SLC6A19: variants seen among roughly 807,000 people sequenced by gnomAD.
SLC6A19 encodes sodium-dependent neutral amino acid transporter B(0)AT1.
Under a neutral mutation model 68.3 loss-of-function variants are expected in SLC6A19, and 67 were observed. The observed-to-expected ratio is 0.98, with a 90% confidence interval of 0.81 to 1.20. The LOEUF is 1.20. Among genes scored for constraint, SLC6A19 ranks in the 50% most tolerant of loss-of-function variants. SLC6A19 has a pLI of 0.00. For missense variants in SLC6A19, 813 were observed against 851.6 expected, an observed-to-expected ratio of 0.95 and a Z score of 0.56; for synonymous variants, 392 against 374.9, an observed-to-expected ratio of 1.05 and a Z score of -0.53.
At chr5:1,201,959 C>T (rs1210695057) in intron 1 of SLC6A19, 107 bp downstream of exon 1, 25 of 1,397,332 alleles carry the variant, frequency 1.8e-5, no homozygotes, top group South Asian at 8.2e-5. Context: ...TCCCCAAGCA[C>T]GGAGGGGAGA....
chr5:1,214,168 G>C lies in SLC6A19; in HGVS notation c.887+103G>C, dbSNP rs1449066852. The stretch of plus-strand genomic sequence containing the variant: ...GAAAGCACTCTGTGGCTGTGTGGCC[G>C]GGGCCTTGCTGCCCCGATGGGCCCG... On this transcript the variant is annotated intron_variant, in intron 6 of 11. Coordinates refer to ENST00000304460, the MANE Select transcript of SLC6A19 (RefSeq NM_001003841.3). The surrounding 1 kb of genome is among the most constrained non-coding windows in gnomAD (Gnocchi z 7.4). 3 of 1,567,554 alleles carry C rather than the reference G, an allele frequency of 1.9e-6. No homozygotes were observed. Among genetic ancestry groups the C allele is most frequent in the Admixed American group, 1.8e-5 (1 of 54,160 alleles).
In SLC6A19 at chr5:1,221,652, C is replaced by A. The variant is rs774469436; in HGVS notation, c.1702-49C>A. ...TGAGGGGCCTTTGCCTCAAAGTGAA[C>A]CCCACTGGCTCCCGGGATGCCTACT... On this transcript the variant is annotated intron_variant, in intron 11 of 11. Coordinates refer to ENST00000304460, the MANE Select transcript of SLC6A19 (RefSeq NM_001003841.3). 3.7e-6 allele frequency: 6 copies of A among 1,608,524 alleles called. No individual in the cohort carries two copies. In the Admixed American group the frequency reaches 5.0e-5, roughly 13 times the overall value.
chr5:1,206,991 C>T (rs889689899), intron 1 of SLC6A19, among the ~76,000 whole-genome samples: 11 of 152,310 alleles, frequency 7.2e-5, no homozygotes, highest in African/African-American at 2.6e-4. Context: ...CTCACCCCGG[C>T]TGCAGCGTGG....
chr5:1,208,723 A>T, intron 1 of SLC6A19, 23 bp from the exon 2 acceptor site: 1 of 1,613,290 alleles, frequency 6.2e-7, no homozygotes, highest in Non-Finnish European at 8.5e-7. Context: ...GCTCTCAGGC[A>T]TGGTGGACTC....
rs574414865 is a variant in SLC6A19, at chr5:1,214,752, G to A, written c.887+687G>A. 4.1e-3 allele frequency among the ~76,000 whole-genome samples: 623 copies of A among 150,946 alleles called. 5 individuals are homozygous for A. Among genetic ancestry groups the A allele is most frequent in the Admixed American group, 5.9e-3 (90 of 15,138 alleles). On this transcript the variant is annotated intron_variant, in intron 6 of 11. Transcript: ENST00000304460. This position sits in a 1 kb window ranked among gnomAD's most constrained non-coding sequence, Gnocchi z 7.4. ...GGGAGGACTCCTAGGGGTCAGGGTG[G>A]CCCTCCAGGCTGTGAAGGTGCGATT...
In SLC6A19 at chr5:1,219,013, G is replaced by C. The variant is rs750242948; in HGVS notation, c.1284G>C (p.Gly428=). ...VLFFIMLFCL[G]LSSMFGNMEG... ...TCTTCATTATGCTCTTCTGCCTGGG[G>C]CTGTCATCTATGTTTGGGAACATGG... The change falls in exon 9 of 12, where the codon GGG becomes GGC. Residue 428 remains glycine, a synonymous_variant. Transcript: ENST00000304460. 3.3e-5 allele frequency: 54 copies of C among 1,613,976 alleles called. No homozygotes were observed. The highest frequency in any genetic ancestry group is 4.5e-5 in the Non-Finnish European group (53 of 1,180,024).
chr5:1,217,151 C>T (rs901441581), intron 8 of SLC6A19, among the ~76,000 whole-genome samples: 20 of 152,250 alleles, frequency 1.3e-4, no homozygotes, highest in Admixed American at 5.9e-4. Context: ...ATTTCACTTC[C>T]GAGGCTCCTG....
intron 1 of SLC6A19, among the ~76,000 whole-genome samples, chr5:1,204,410 G>GC (rs1345331196): frequency 2.0e-5 from 3 of 152,222 alleles, no homozygotes; most frequent in Non-Finnish European, 4.4e-5. Flanking sequence ...TGATGGCGGA[G>GC]CCCCCCGAGG....
intron 1 of SLC6A19, among the ~76,000 whole-genome samples, chr5:1,203,407 T>C (rs1579506847): frequency 6.6e-6 from 1 of 151,812 alleles, no homozygotes; most frequent in South Asian, 2.1e-4. Context: ...GGTGGACAGG[T>C]GCGGGCAGCG....
At position 1,219,531 on chromosome 5, in the gene SLC6A19, A is replaced by T; in HGVS notation, c.1405A>T (p.Ile469Phe). The change falls in exon 10 of 12, where the codon ATT (isoleucine) becomes TTT (phenylalanine). Residue 469 changes from isoleucine (I) to phenylalanine (F), a missense_variant. Coordinates refer to ENST00000304460, the MANE Select transcript of SLC6A19 (RefSeq NM_001003841.3). ...TGLICLGTFL[I>F]GFIFTLNSGQ... ...CCTCATCTGCCTGGGGACATTCCTC[A>T]TTGGCTTCATCTTCACGCTGAACTC... 1 of 1,612,178 alleles carries T rather than the reference A, an allele frequency of 6.2e-7. No individual in the cohort carries two copies. Among genetic ancestry groups the T allele is most frequent in the Non-Finnish European group, 8.5e-7 (1 of 1,180,008 alleles).
chr5:1,220,561 G>T (rs911563862), intron 10 of SLC6A19, among the ~76,000 whole-genome samples: 5 of 152,172 alleles, frequency 3.3e-5, no homozygotes, highest in African/African-American at 1.2e-4. Context: ...CGGGTGTGAG[G>T]TGCATGCATA....
rs749679226 is a variant in SLC6A19 at position 1,221,907 on chromosome 5, AG to A, written c.*5del. On this transcript the variant is annotated 3_prime_UTR_variant, in exon 12 of 12. Transcript: ENST00000304460. ...TGAACGGGGACCTGAAGTACTGAGAAGGCCCATCCCACGGCGTGCCATACAC... is the reference window on the plus strand; with the variant it reads ...TGAACGGGGACCTGAAGTACTGAGAAGCCCATCCCACGGCGTGCCATACAC... 28 of 1,613,482 alleles carry A rather than the reference AG, an allele frequency of 1.7e-5. No homozygotes were observed. Among genetic ancestry groups the A allele is most frequent in the Admixed American group, 3.3e-5 (2 of 59,992 alleles).
At chr5:1,220,552 G>A (rs553091487) in intron 10 of SLC6A19, among the ~76,000 whole-genome samples, 4 of 152,186 alleles carry the variant, frequency 2.6e-5, no homozygotes, top group Non-Finnish European at 2.9e-5. Flanking sequence ...AGCCCTTGCC[G>A]GGTGTGAGGT....
At chr5:1,219,454 C>G in intron 9 of SLC6A19, 51 bp from the exon 10 acceptor site, 1 of 1,602,624 alleles carries the variant, frequency 6.2e-7, no homozygotes, top group Non-Finnish European at 8.5e-7. Flanking sequence ...CTGTCCCTGG[C>G]CGTGCGTGCA....
intron 1 of SLC6A19, among the ~76,000 whole-genome samples, chr5:1,204,077 C>A (rs1745787280): frequency 6.6e-6 from 1 of 152,204 alleles, no homozygotes; most frequent in South Asian, 2.1e-4. Context: ...AGCATGCATG[C>A]CTTGTCAGTG....
At chr5:1,202,531 C>G (rs1395426809) in intron 1 of SLC6A19, among the ~76,000 whole-genome samples, 1 of 152,220 alleles carries the variant, frequency 6.6e-6, no homozygotes, top group Non-Finnish European at 1.5e-5. Context: ...CCAGGCCTGG[C>G]AGGGGGCTGT....
intron 10 of SLC6A19, among the ~76,000 whole-genome samples, chr5:1,220,035 C>A (rs927057130): frequency 2.0e-5 from 3 of 152,204 alleles, no homozygotes; most frequent in African/African-American, 7.2e-5. Flanking sequence ...ATGCTCCAGG[C>A]CTTTTTAGGG....
rs1745969375 is a variant in SLC6A19, at chr5:1,209,693, T to TC, written c.344-750dup. Among the ~76,000 whole-genome samples the TC allele has an allele frequency of 1.4e-5, 2 of 143,222 alleles. No individual in the cohort carries two copies. The highest frequency in any genetic ancestry group is 3.0e-5 in the Non-Finnish European group (2 of 65,888). The allele number at this position is 143,222 out of a possible 152,430, so 94.0% of individuals were successfully genotyped here. A position where few individuals can be genotyped will look rare whatever the true frequency, so the allele number is the denominator to read the frequency against. On this transcript the variant is annotated intron_variant, in intron 2 of 11. Coordinates refer to ENST00000304460, the MANE Select transcript of SLC6A19 (RefSeq NM_001003841.3). The surrounding 1 kb of genome is among the most constrained non-coding windows in gnomAD (Gnocchi z 5.5). ...TCCCCCCTCTCTCTCATCCTCCTCC[T>TC]CTCTCTCTCTCCCTCTCAGTCTCTG...
Position 1,214,851 on chromosome 5 carries a change from G to A in SLC6A19, c.887+786G>A, listed in dbSNP as rs34169274. Among the ~76,000 whole-genome samples the A allele has an allele frequency of 0.061, 8,904 of 146,938 alleles. 370 individuals are homozygous for A. The highest frequency in any genetic ancestry group is 0.083 in the Non-Finnish European group (5,407 of 65,268). ...GGGAGGGTGGGGCCTAGACTGGACGGGGGCCTGGGTAGGGAGGGTGGGCCC... is the reference window on the plus strand; with the variant it reads ...GGGAGGGTGGGGCCTAGACTGGACGAGGGCCTGGGTAGGGAGGGTGGGCCC... On this transcript the variant is annotated intron_variant, in intron 6 of 11. Transcript: ENST00000304460. The surrounding 1 kb of genome is among the most constrained non-coding windows in gnomAD (Gnocchi z 7.4).
Sources: allele counts gnomAD v4.1 joint callset (sites outside exome capture counted in the v4.1 genomes callset), GRCh38; gene constraint gnomAD v4.1.1; non-coding constraint Gnocchi (gnomAD v3.1); transcripts MANE v1.5; gene names NCBI Gene and HGNC (gene_info 2026-07-23, HGNC 2026-07-21).